Variants in MAML3 observed in about 807,000 individuals in gnomAD.
The protein encoded by MAML3 is mastermind-like protein 3.
Under a neutral mutation model 101.9 loss-of-function variants are expected in MAML3, and 27 were observed. The observed-to-expected ratio is 0.27, with a 90% CI of 0.20 to 0.37. The LOEUF (loss-of-function observed/expected upper bound fraction) is 0.37. Among genes scored for constraint, MAML3 ranks in the 10% least tolerant of loss-of-function variants. The probability of loss-of-function intolerance (pLI) is 1.00; values close to 1 mark genes in which losing one functional copy is unlikely to be tolerated. For synonymous variants in MAML3, 501 were observed against 555.9 expected (o/e 0.90, Z 1.39); for missense variants, 1,316 against 1,444.9 (o/e 0.91, Z 1.45).
intron 1 of MAML3, among the ~76,000 whole-genome samples, chr4:140,028,917 A>G (rs1430134585): frequency 6.6e-6 from 1 of 152,122 alleles, no homozygotes; most frequent in African/African-American, 2.4e-5. Context: ...ATTTACTTTC[A>G]GCTTTCTCCT....
intron 2 of MAML3, among the ~76,000 whole-genome samples, chr4:139,736,285 C>G (rs1267914575): frequency 6.6e-6 from 1 of 152,194 alleles, no homozygotes; most frequent in African/African-American, 2.4e-5. Context: ...TGCAAAGATA[C>G]TATTGAAAGT....
chr4:140,028,576 A>G (rs975572803), intron 1 of MAML3, among the ~76,000 whole-genome samples: 3 of 151,698 alleles, frequency 2.0e-5, no homozygotes, highest in African/African-American at 7.3e-5. Context: ...TTGCCTATTT[A>G]TTTGTTTTCT....
chr4:140,013,154 TCTTTC>T (rs1726590230), intron 1 of MAML3, among the ~76,000 whole-genome samples: 1 of 152,184 alleles, frequency 6.6e-6, no homozygotes, highest in Non-Finnish European at 1.5e-5. Flanking sequence ...AGAAAACCAT[TCTTTC>T]CTTTACTCTT....
intron 1 of MAML3, among the ~76,000 whole-genome samples, chr4:140,035,966 G>A (rs1024979039): frequency 1.3e-5 from 2 of 152,202 alleles, no homozygotes; most frequent in Non-Finnish European, 2.9e-5. Flanking sequence ...AAAGAGCATA[G>A]TTGAGAATGA....
chr4:139,752,705 A>G (rs906974384), intron 2 of MAML3, among the ~76,000 whole-genome samples: 1 of 152,250 alleles, frequency 6.6e-6, no homozygotes. Context: ...ATGTGTACAG[A>G]TAAGAAGAAA....
At chr4:139,832,094 CTTTTTTTT>C (rs70943444) in intron 2 of MAML3, among the ~76,000 whole-genome samples, 31 of 64,698 alleles carry the variant, frequency 4.8e-4, no homozygotes, top group South Asian at 4.8e-3. Context: ...TGCCCAGCCC[CTTTTTTTT>C]TTTTTTTTTT....
At chr4:139,999,516 A>G (rs1428885276) in intron 1 of MAML3, among the ~76,000 whole-genome samples, 1 of 152,172 alleles carries the variant, frequency 6.6e-6, no homozygotes, top group Non-Finnish European at 1.5e-5. Context: ...AAAGCACTGA[A>G]GTGATTGTTT....
chr4:139,777,225 A>G (rs951165703), intron 2 of MAML3, among the ~76,000 whole-genome samples: 1 of 152,236 alleles, frequency 6.6e-6, no homozygotes, highest in African/African-American at 2.4e-5. Context: ...CATGGATCTT[A>G]GACTTAATAT....
chr4:140,008,038 A>G (rs1187608719), intron 1 of MAML3, among the ~76,000 whole-genome samples: 1 of 152,244 alleles, frequency 6.6e-6, no homozygotes, highest in Non-Finnish European at 1.5e-5. Context: ...TATTTACCCT[A>G]GGCTAGTCCC....
At chr4:140,082,616 G>A (rs1175853816) in intron 1 of MAML3, among the ~76,000 whole-genome samples, 1 of 152,122 alleles carries the variant, frequency 6.6e-6, no homozygotes, top group African/African-American at 2.4e-5. Flanking sequence ...CGACCTCACA[G>A]GCAAGTCCAT....
At chr4:140,126,819 C>T (rs371659868) in intron 1 of MAML3, among the ~76,000 whole-genome samples, 83 of 152,280 alleles carry the variant, frequency 5.5e-4, no homozygotes, top group African/African-American at 1.9e-3. Context: ...CTAGTAACAC[C>T]ATTTTCCAAG....
At chr4:139,839,216 G>T (rs1437779950) in intron 2 of MAML3, among the ~76,000 whole-genome samples, 1 of 152,130 alleles carries the variant, frequency 6.6e-6, no homozygotes, top group Non-Finnish European at 1.5e-5. Flanking sequence ...AAGGAACAAG[G>T]TCTAGGTGAA....
intron 2 of MAML3, among the ~76,000 whole-genome samples, chr4:139,864,924 T>TTGG (rs34182641): frequency 5.1e-5 from 1 of 19,652 alleles, no homozygotes; most frequent in Non-Finnish European, 9.8e-5. Context: ...GCAAACTTGC[T>TTGG]TTTTTTTTTT....
chr4:140,093,160 G>A (rs1177492306), intron 1 of MAML3, among the ~76,000 whole-genome samples: 2 of 152,074 alleles, frequency 1.3e-5, no homozygotes, highest in Admixed American at 6.6e-5. Context: ...TTTCTTAGGC[G>A]GTCCTGAGTT....
chr4:140,120,672 T>C (rs1418278592), intron 1 of MAML3, among the ~76,000 whole-genome samples: 6 of 152,234 alleles, frequency 3.9e-5, no homozygotes, highest in Non-Finnish European at 4.4e-5. Flanking sequence ...TAAGATCGAA[T>C]AGTTTCTCCT....
At chr4:139,976,623 A>G (rs917189287) in intron 1 of MAML3, among the ~76,000 whole-genome samples, 4 of 152,196 alleles carry the variant, frequency 2.6e-5, no homozygotes, top group African/African-American at 9.7e-5. Flanking sequence ...TTGAGAAGCC[A>G]TATGTGGTTA....
intron 2 of MAML3, among the ~76,000 whole-genome samples, chr4:139,875,558 C>T (rs781170478): frequency 3.3e-5 from 5 of 152,158 alleles, no homozygotes; most frequent in Non-Finnish European, 5.9e-5. Flanking sequence ...GCCCAGCGCA[C>T]CAGCCACTCT....
intron 2 of MAML3, among the ~76,000 whole-genome samples, chr4:139,734,012 A>G (rs1465356387): frequency 1.3e-5 from 2 of 152,188 alleles, no homozygotes; most frequent in East Asian, 3.8e-4. Context: ...TTCTTAAAGG[A>G]CTGCCTTCCA....
intron 2 of MAML3, among the ~76,000 whole-genome samples, chr4:139,749,127 A>T (rs1729418732): frequency 1.3e-5 from 2 of 152,226 alleles, no homozygotes; most frequent in Admixed American, 6.5e-5. Context: ...ATTTTCTTCA[A>T]ATTGAGAAAA....
Sources: allele counts gnomAD v4.1 joint callset (sites outside exome capture counted in the v4.1 genomes callset), GRCh38; gene constraint gnomAD v4.1.1; transcripts MANE v1.5; gene names NCBI Gene and HGNC (gene_info 2026-07-23, HGNC 2026-07-21).